LTN1: variants seen among roughly 807,000 people sequenced by gnomAD.
LTN1 encodes E3 ubiquitin-protein ligase listerin.
Under a neutral mutation model 201.2 loss-of-function variants are expected in LTN1, and 88 were observed. The observed-to-expected ratio is 0.44, with a 90% CI of 0.37 to 0.52. The LOEUF is 0.52. Ranked by LOEUF, LTN1 falls within the 20% of genes least tolerant of loss-of-function variation. LTN1 has a pLI of 0.00. For missense variants in LTN1, 1,752 were observed against 2,038.7 expected, an observed-to-expected ratio of 0.86 and a Z score of 2.71; for synonymous variants, 645 against 713.5, an observed-to-expected ratio of 0.90 and a Z score of 1.53.
chr21:28,957,283 GA>G, intron 15 of LTN1, 48 bp downstream of exon 15: 4 of 1,470,130 alleles, frequency 2.7e-6, no homozygotes, highest in Non-Finnish European at 3.6e-6. Context: ...AAGCTTGCAT[GA>G]AATCCAAACT....
intron 12 of LTN1, 148 bp downstream of exon 12, chr21:28,960,369 A>G: frequency 1.7e-6 from 1 of 576,772 alleles, no homozygotes; most frequent in Non-Finnish European, 2.9e-6. Context: ...AAAAAAAAAG[A>G]AAAAAGAAAA....
intron 3 of LTN1, 133 bp from the exon 4 acceptor site, chr21:28,985,055 T>A (rs1367222529): frequency 1.9e-5 from 11 of 586,362 alleles, no homozygotes; most frequent in East Asian, 5.9e-5. Flanking sequence ...TCATTTTTTT[T>A]AAATCAATAA....
At chr21:28,957,010 A>G in intron 15 of LTN1, 62 bp from the exon 16 acceptor site, 2 of 1,045,088 alleles carry the variant, frequency 1.9e-6, no homozygotes, top group Middle Eastern at 3.0e-4. Context: ...GACTGAACAA[A>G]AATGAAGTTG....
chr21:28,939,770 C>T (rs112307160), intron 25 of LTN1, among the ~76,000 whole-genome samples: 5 of 152,278 alleles, frequency 3.3e-5, no homozygotes, highest in African/African-American at 1.2e-4. Flanking sequence ...CAATCTGCTG[C>T]TATTTTTTAA....
Position 28,953,333 on chromosome 21 carries a change from A to G in LTN1, c.3123T>C (p.Asp1041=), listed in dbSNP as rs375568047. 2.2e-5 allele frequency: 35 copies of G among 1,606,102 alleles called. No individual in the cohort carries two copies. The highest frequency in any genetic ancestry group is 2.9e-5 in the Non-Finnish European group (34 of 1,177,952). The change falls in exon 17 of 30, where the codon GAT becomes GAC. Residue 1041 remains aspartate (D), a synonymous_variant. Coordinates refer to ENST00000361371, the MANE Select transcript of LTN1 (RefSeq NM_015565.3). ...ATCCAATTAGAAAAATAGGTGGGTT[A>G]TCTAATTCTTCACACCACTGCAGTG... ...LYSLQWCEEL[D]NPPIFLIGFC... is the part of the protein sequence containing the mutation.
chr21:28,943,226 G>T (rs747486991), intron 24 of LTN1, 36 bp downstream of exon 24: 25 of 1,325,270 alleles, frequency 1.9e-5, no homozygotes, highest in Admixed American at 1.1e-4. Flanking sequence ...TGGATTATAA[G>T]AATTTAATAA....
chr21:28,992,752 G>GC lies in LTN1; in HGVS notation c.42+11dup. On this transcript the variant is annotated intron_variant, in intron 1 of 29. Transcript: ENST00000361371. ...CGAGGCTCCCGGGTCGGCCGAGCCA[G>GC]CCCCCGCTCACCCTCAGGTTCCCTT... is the stretch of plus-strand genomic sequence containing the variant. 6.2e-7 allele frequency: 1 copy of GC among 1,613,952 alleles called. No homozygotes were observed. The highest frequency in any genetic ancestry group is 8.5e-7 in the Non-Finnish European group (1 of 1,179,932).
At chr21:28,956,428 T>G (rs1245705941) in intron 16 of LTN1, among the ~76,000 whole-genome samples, 1 of 152,098 alleles carries the variant, frequency 6.6e-6, no homozygotes, top group Non-Finnish European at 1.5e-5. Context: ...CAACAGAAAA[T>G]TCTGAATCCT....
chr21:28,936,629 G>C lies in LTN1; in HGVS notation c.4551C>G (p.Phe1517Leu). 1 of 1,613,900 alleles carries C rather than the reference G, an allele frequency of 6.2e-7. No homozygotes were observed. Among genetic ancestry groups the C allele is most frequent in the Non-Finnish European group, 8.5e-7 (1 of 1,179,812 alleles). ...AGGTTGGATTTTCTGGCATAAGCCT[G>C]AACAGGTGATAGAGCAATTTATTCA... is the stretch of plus-strand genomic sequence containing the variant. ...KSLNKLLYHL[F>L]RLMPENPTYA... Residue 1517 changes from phenylalanine to leucine, a missense_variant, in exon 26 of 30, where the codon TTC becomes TTG. This residue lies in a region of LTN1 where 261 missense variants were observed against 350.1 expected (regional missense o/e 0.75). Coordinates refer to ENST00000361371, the MANE Select transcript of LTN1 (RefSeq NM_015565.3).
intron 16 of LTN1, among the ~76,000 whole-genome samples, chr21:28,954,189 A>C (rs949343332): frequency 1.3e-5 from 2 of 152,242 alleles, no homozygotes; most frequent in African/African-American, 4.8e-5. Flanking sequence ...GGATTTGCAC[A>C]GATTCACCCT....
At chr21:28,969,675 C>T in intron 8 of LTN1, 74 bp from the exon 9 acceptor site, 4 of 1,130,872 alleles carry the variant, frequency 3.5e-6, no homozygotes, top group Non-Finnish European at 3.7e-6. Flanking sequence ...AAAATAAAGA[C>T]CTCAAAAAGG....
intron 16 of LTN1, among the ~76,000 whole-genome samples, chr21:28,955,483 G>A (rs2084417352): frequency 6.6e-6 from 1 of 152,042 alleles, no homozygotes; most frequent in African/African-American, 2.4e-5. Flanking sequence ...TAGAAAACCA[G>A]TATATCAAAG....
intron 9 of LTN1, among the ~76,000 whole-genome samples, chr21:28,968,940 G>T (rs972608464): frequency 5.9e-5 from 9 of 151,634 alleles, no homozygotes; most frequent in African/African-American, 2.2e-4. Flanking sequence ...GGTTTTACAG[G>T]CCGGGCGCGG....
intron 6 of LTN1, among the ~76,000 whole-genome samples, chr21:28,974,608 GACA>G (rs2084600738): frequency 6.6e-6 from 1 of 152,186 alleles, no homozygotes; most frequent in Non-Finnish European, 1.5e-5. Flanking sequence ...TAGAAAGACT[GACA>G]TCTTTCTGGC....
At position 28,966,707 on chromosome 21, in the gene LTN1, C is replaced by T; in HGVS notation, c.1784G>A (p.Cys595Tyr). 1.2e-6 allele frequency: 2 copies of T among 1,613,998 alleles called. No individual in the cohort carries two copies. The highest frequency in any genetic ancestry group is 1.1e-5 in the South Asian group (1 of 91,056). Reference protein sequence around the residue: ...LRKKPLEDLVCKLADISINYV... With the variant: ...LRKKPLEDLVYKLADISINYV... Reference sequence around the variant, plus strand: ...ATTAATACTTATATCTGCGAGTTTACAGACTAAGTCTTCCAAAGGTTTTTT... The same window carrying T: ...ATTAATACTTATATCTGCGAGTTTATAGACTAAGTCTTCCAAAGGTTTTTT... Residue 595 changes from cysteine (C) to tyrosine (Y), a missense_variant, in exon 10 of 30, where the codon TGT (cysteine) becomes TAT (tyrosine). Transcript: ENST00000361371.
chr21:28,935,924 C>T (rs2084253314), intron 26 of LTN1, among the ~76,000 whole-genome samples: 1 of 151,560 alleles, frequency 6.6e-6, no homozygotes, highest in Admixed American at 6.6e-5. Flanking sequence ...ACATGAAGAC[C>T]ACAAATAAAA....
chr21:28,946,261 TGA>T lies in LTN1; in HGVS notation c.3512_3513del (p.Phe1171Ter). 6.3e-7 allele frequency: 1 copy of T among 1,579,170 alleles called. No homozygotes were observed. The highest frequency in any genetic ancestry group is 8.6e-7 in the Non-Finnish European group (1 of 1,168,488). On this transcript the variant is annotated frameshift_variant, in exon 20 of 30. Transcript: ENST00000361371. LOFTEE classifies it high-confidence loss of function. ...ATACTTTTGGTTTGCAGACAAGAAT[TGA>T]AAATGGCAAGATGTCCAAAACCTCC... ...TNGGFGHLAI[F>X]NSCLQTKSID... is the part of the protein sequence containing the mutation.
Position 28,936,548 on chromosome 21 carries a change from C to T in LTN1, c.4632G>A (p.Glu1544=), listed in dbSNP as rs2084258527. The T allele has an allele frequency of 1.9e-6, 3 of 1,613,304 alleles. No individual in the cohort carries two copies. Among genetic ancestry groups the T allele is most frequent in the Non-Finnish European group, 2.5e-6 (3 of 1,179,680 alleles). The change falls in exon 26 of 30, where the codon GAG becomes GAA. Residue 1544 remains glutamate (E), a synonymous_variant. Coordinates refer to ENST00000361371, the MANE Select transcript of LTN1 (RefSeq NM_015565.3). ...PNKDPKTFFT[E]ELQLSIRETT... ...GACCTCTAATACTCAGCTGGAGCTC[C>T]TCAGTAAAGAATGTTTTAGGGTCCT... is the stretch of plus-strand genomic sequence containing the variant.
intron 8 of LTN1, among the ~76,000 whole-genome samples, 154 bp downstream of exon 8, chr21:28,970,398 C>T (rs1306864326): frequency 6.6e-6 from 1 of 151,806 alleles, no homozygotes; most frequent in African/African-American, 2.4e-5. Context: ...CTTGAACGTA[C>T]TCAAGAAAAA....
Sources: gnomAD v4.1 joint callset for allele counts (sites outside exome capture counted in the v4.1 genomes callset) on GRCh38, gnomAD v4.1.1 for gene constraint, gnomAD v4.1.1 regional missense constraint, MANE v1.5 for transcripts, NCBI Gene and HGNC (gene_info 2026-07-23, HGNC 2026-07-21) for gene names.